Variants in MORN4 observed in about 807,000 individuals in gnomAD.
MORN4 encodes MORN repeat-containing protein 4.
A neutral mutation model predicts 16.4 loss-of-function variants in MORN4; 8 were observed. That is an observed-to-expected ratio of 0.49 (90% CI 0.29 to 0.88). The LOEUF is 0.88. MORN4 is among the 40% of genes least tolerant of loss of function. The pLI is 0.09. For synonymous variants in MORN4, 53 were observed against 68.9 expected (o/e 0.77, Z 1.14); for missense variants, 159 against 182.9 (o/e 0.87, Z 0.75).
Position 97,614,931 on chromosome 10 carries a change from A to C in MORN4, c.*1332T>G, listed in dbSNP as rs887045123. 6.6e-6 allele frequency: 1 copy of C among 152,654 alleles called. No homozygotes were observed. Among genetic ancestry groups the C allele is most frequent in the Non-Finnish European group, 1.5e-5 (1 of 68,068 alleles). The allele number at this position is 152,654 out of a possible 1,614,324, so 9.5% of individuals were successfully genotyped here. ...CACTGGGAAGAAACTGTGTCAGCCCAAGCCATCCGTATGAATTCAGTTCAC... is the reference window on the plus strand; with the variant it reads ...CACTGGGAAGAAACTGTGTCAGCCCCAGCCATCCGTATGAATTCAGTTCAC... On this transcript the variant is annotated 3_prime_UTR_variant, in exon 5 of 5. Coordinates refer to ENST00000307450, the MANE Select transcript of MORN4 (RefSeq NM_178832.4).
intron 1 of MORN4, 62 bp from the exon 2 acceptor site, chr10:97,619,745 G>A (rs1363529357): frequency 7.4e-7 from 1 of 1,356,826 alleles, no homozygotes; most frequent in Non-Finnish European, 1.0e-6. Flanking sequence ...GGACTGCAAG[G>A]CAATTTTATA....
At chr10:97,621,858 C>T (rs1433095758) in intron 1 of MORN4, among the ~76,000 whole-genome samples, 1 of 151,222 alleles carries the variant, frequency 6.6e-6, no homozygotes, top group Non-Finnish European at 1.5e-5. Flanking sequence ...GAGTGAGGCT[C>T]TGTCTAAAAA....
chr10:97,627,608 A>G (rs1221359548), intron 1 of MORN4, among the ~76,000 whole-genome samples: 6 of 152,146 alleles, frequency 3.9e-5, no homozygotes, highest in Non-Finnish European at 8.8e-5. Flanking sequence ...TCACCCAAAT[A>G]AGAGAAAAGA....
At chr10:97,630,434 C>A (rs2041386899) in intron 1 of MORN4, among the ~76,000 whole-genome samples, 1 of 152,164 alleles carries the variant, frequency 6.6e-6, no homozygotes, top group African/African-American at 2.4e-5. Flanking sequence ...AACTGGAATA[C>A]CATGTTTCAA....
upstream of MORN4, among the ~76,000 whole-genome samples, chr10:97,634,058 G>C (rs2041420605): frequency 6.6e-6 from 1 of 152,146 alleles, no homozygotes; most frequent in Non-Finnish European, 1.5e-5. Context: ...GGAGGCCGCG[G>C]CTTGAGCTCA....
chr10:97,616,807 T>A lies in MORN4; in HGVS notation c.183-20A>T. 1.3e-6 allele frequency: 2 copies of A among 1,563,662 alleles called. No individual in the cohort carries two copies. The highest frequency in any genetic ancestry group is 8.8e-7 in the Non-Finnish European group (1 of 1,134,294). On this transcript the variant is annotated intron_variant, in intron 3 of 4. Transcript: ENST00000307450. ...TCATACCTGCAGAAACACCAAGAAG[T>A]TAGCCTTCAGTGGAAAGTTAGCTGT...
intron 1 of MORN4, among the ~76,000 whole-genome samples, chr10:97,626,063 T>A (rs1329090365): frequency 7.2e-6 from 1 of 138,248 alleles, no homozygotes; most frequent in Non-Finnish European, 1.6e-5. Flanking sequence ...CCCAGCCTCA[T>A]GCCTTTTTTT....
At position 97,633,449 on chromosome 10, in the gene MORN4, A is replaced by G; in HGVS notation, c.-133T>C. 1 of 1,289,658 alleles carries G rather than the reference A, an allele frequency of 7.8e-7. No homozygotes were observed. Among genetic ancestry groups the G allele is most frequent in the African/African-American group, 1.5e-5 (1 of 65,894 alleles). 79.9% of individuals were successfully genotyped at this position (1,289,658 alleles called of 1,614,324 possible). A position where few individuals can be genotyped will look rare whatever the true frequency, so the allele number is the denominator to read the frequency against. On this transcript the variant is annotated 5_prime_UTR_variant, in exon 1 of 5. Transcript: ENST00000307450. The surrounding 1 kb of genome is among the most constrained non-coding windows in gnomAD (Gnocchi z 4.5). The stretch of plus-strand genomic sequence containing the variant: ...CCCGGCTGCCACCTTGCTCTCCGCC[A>G]CCTCCACCAGCGATTGCCCCACTTG...
intron 1 of MORN4, among the ~76,000 whole-genome samples, chr10:97,628,912 G>C (rs1250838901): frequency 6.6e-6 from 1 of 152,186 alleles, no homozygotes; most frequent in African/African-American, 2.4e-5. Context: ...AACTGAAAAG[G>C]TTACCTTCTT....
chr10:97,617,885 C>A (rs1415287569), intron 2 of MORN4, among the ~76,000 whole-genome samples: 1 of 151,816 alleles, frequency 6.6e-6, no homozygotes, highest in Non-Finnish European at 1.5e-5. Flanking sequence ...AACAAAAAAA[C>A]AACTGGCTGG....
intron 4 of MORN4, 90 bp downstream of exon 4, chr10:97,616,588 C>T: frequency 1.6e-6 from 2 of 1,276,926 alleles, no homozygotes; most frequent in South Asian, 1.3e-5. Flanking sequence ...CTATGGATTG[C>T]TGGACACCCG....
At chr10:97,622,986 G>C (rs191492426) in intron 1 of MORN4, among the ~76,000 whole-genome samples, 1 of 151,894 alleles carries the variant, frequency 6.6e-6, no homozygotes, top group Admixed American at 6.6e-5. Context: ...CTGGATTCAA[G>C]GCATCCCGTC....
At chr10:97,632,507 G>A (rs1389240055) in intron 1 of MORN4, among the ~76,000 whole-genome samples, 2 of 152,012 alleles carry the variant, frequency 1.3e-5, no homozygotes, top group East Asian at 1.9e-4. Context: ...GTGAGCCACC[G>A]CGCCCGGCCT....
intron 1 of MORN4, among the ~76,000 whole-genome samples, chr10:97,627,155 T>C (rs1468574065): frequency 6.6e-6 from 1 of 152,142 alleles, no homozygotes; most frequent in Non-Finnish European, 1.5e-5. Flanking sequence ...TTTTTGTTTT[T>C]TGTTTTTTGA....
intron 1 of MORN4, among the ~76,000 whole-genome samples, chr10:97,629,791 C>A (rs962001709): frequency 6.6e-6 from 1 of 152,166 alleles, no homozygotes; most frequent in African/African-American, 2.4e-5. Context: ...CAGAGTCTCG[C>A]TTTGTCACGC....
chr10:97,622,712 G>T (rs1331874572), intron 1 of MORN4, among the ~76,000 whole-genome samples: 1 of 128,906 alleles, frequency 7.8e-6, no homozygotes, highest in Admixed American at 7.6e-5. Flanking sequence ...AAAAAAAAAC[G>T]GAAGAAGAAG....
At chr10:97,619,239 C>T (rs1387708065) in intron 2 of MORN4, among the ~76,000 whole-genome samples, 1 of 152,078 alleles carries the variant, frequency 6.6e-6, no homozygotes, top group African/African-American at 2.4e-5. Flanking sequence ...GCACGAGAAT[C>T]GCTTGAACCC....
At position 97,628,056 on chromosome 10, in the gene MORN4, A is replaced by G. The variant is rs1267613568; in HGVS notation, c.-31+5291T>C. Among the ~76,000 whole-genome samples, 3 of 152,244 alleles carry G rather than the reference A, an allele frequency of 2.0e-5. No individual in the cohort carries two copies. The East Asian group carries it at 5.8e-4, about 29-fold the overall frequency. The stretch of plus-strand genomic sequence containing the variant: ...TACAGACGGGCATTTTGATCAGGCA[A>G]TCCTCAGCTCTTCCCAGAACTAAGT... On this transcript the variant is annotated intron_variant, in intron 1 of 4. Transcript: ENST00000307450.
intron 1 of MORN4, among the ~76,000 whole-genome samples, chr10:97,625,796 GTC>G (rs2041340506): frequency 1.3e-5 from 2 of 152,150 alleles, no homozygotes; most frequent in Admixed American, 6.5e-5. Flanking sequence ...GAGACAGTGT[GTC>G]GCTCTGTTGC....
Sources: allele counts gnomAD v4.1 joint callset (sites outside exome capture counted in the v4.1 genomes callset), GRCh38; gene constraint gnomAD v4.1.1; non-coding constraint Gnocchi (gnomAD v3.1); transcripts MANE v1.5; gene names NCBI Gene and HGNC (gene_info 2026-07-23, HGNC 2026-07-21).